Variants in COLEC12 observed in about 807,000 individuals in gnomAD.
COLEC12 encodes collectin subfamily member 12, also known as collectin-12.
COLEC12 carries 33 observed loss-of-function variants against 71.1 expected under a neutral mutation model. The ratio of observed to expected loss-of-function variants is 0.46; its 90% CI spans 0.35 to 0.62. COLEC12 has a LOEUF of 0.62. Ranked by LOEUF, COLEC12 falls within the 20% of genes least tolerant of loss-of-function variation. The pLI is 0.00. For synonymous variants in COLEC12, 350 were observed against 353.0 expected (o/e 0.99, Z 0.10); for missense variants, 765 against 916.1 (o/e 0.84, Z 2.13).
At chr18:347,957 G>C in intron 4 of COLEC12, 108 bp downstream of exon 4, 7 of 649,196 alleles carry the variant, frequency 1.1e-5, no homozygotes, top group Non-Finnish European at 1.9e-5. Context: ...CACAAAAATT[G>C]AATGTCCTTC....
At chr18:380,201 G>A (rs185276182) in intron 2 of COLEC12, among the ~76,000 whole-genome samples, 8 of 152,224 alleles carry the variant, frequency 5.3e-5, no homozygotes, top group Admixed American at 2.6e-4. Flanking sequence ...ACTCTTTACC[G>A]TCATCTTTCC....
rs1913595996 is a variant in COLEC12, at chr18:318,153, TGTA to T, written c.*1889_*1891del. 6.6e-6 allele frequency: 1 copy of T among 151,544 alleles called. No homozygotes were observed. The highest frequency in any genetic ancestry group is 2.4e-5 in the African/African-American group (1 of 41,266). 9.4% of individuals were successfully genotyped at this position (151,544 alleles called of 1,614,324 possible). On this transcript the variant is annotated 3_prime_UTR_variant, in exon 10 of 10. Coordinates refer to ENST00000400256, the MANE Select transcript of COLEC12 (RefSeq NM_130386.3). ...CACCGCGCCCGGCTAATTTTTTTTT[TGTA>T]TTTTTAGTAGAGACGGGGTTTCACC...
Position 348,141 on chromosome 18 carries a change from G to C in COLEC12, c.204C>G (p.Val68=), listed in dbSNP as rs1488049010. The C allele has an allele frequency of 1.9e-6, 3 of 1,613,330 alleles. No homozygotes were observed. The highest frequency in any genetic ancestry group is 1.3e-5 in the African/African-American group (1 of 75,016). ...GYKVVEKMDN[V]TGGMETSRQT... is the part of the protein sequence containing the mutation. ...GGCGAGATGTTTCCATGCCACCTGT[G>C]ACATTGTCCATTTTCTCTACAACTA... Residue 68 remains valine (V), a synonymous_variant, in exon 4 of 10, where the codon GTC becomes GTG. Transcript: ENST00000400256.
chr18:471,719 A>G (rs774783487), intron 2 of COLEC12, among the ~76,000 whole-genome samples: 19 of 151,594 alleles, frequency 1.3e-4, no homozygotes, highest in Non-Finnish European at 2.5e-4. Flanking sequence ...TTGAAATATA[A>G]TGATATTACA....
intron 8 of COLEC12, among the ~76,000 whole-genome samples, chr18:331,119 C>T (rs990589668): frequency 6.6e-6 from 1 of 152,146 alleles, no homozygotes; most frequent in African/African-American, 2.4e-5. Context: ...GAACTCCAGA[C>T]TTCAAGTGAT....
intron 2 of COLEC12, among the ~76,000 whole-genome samples, chr18:387,243 G>T (rs1323413430): frequency 6.6e-6 from 1 of 152,136 alleles, no homozygotes; most frequent in Non-Finnish European, 1.5e-5. Context: ...GATAAAGAAT[G>T]TTCTGCTTTT....
chr18:392,926 G>T (rs1436794404), intron 2 of COLEC12, among the ~76,000 whole-genome samples: 2 of 152,172 alleles, frequency 1.3e-5, no homozygotes, highest in Non-Finnish European at 2.9e-5. Flanking sequence ...TGTTCTTGAG[G>T]TCTTCACCAA....
At chr18:423,240 G>A (rs1185038469) in intron 2 of COLEC12, among the ~76,000 whole-genome samples, 2 of 152,154 alleles carry the variant, frequency 1.3e-5, no homozygotes, top group Non-Finnish European at 2.9e-5. Context: ...CTGCACTCCA[G>A]CCTGGACAAG....
At chr18:429,068 A>G (rs1280040331) in intron 2 of COLEC12, among the ~76,000 whole-genome samples, 1 of 152,234 alleles carries the variant, frequency 6.6e-6, no homozygotes, top group African/African-American at 2.4e-5. Context: ...TTCTTTAAAA[A>G]GCAGTAGGGA....
chr18:329,458 C>T (rs1913921269), intron 8 of COLEC12, among the ~76,000 whole-genome samples: 1 of 152,192 alleles, frequency 6.6e-6, no homozygotes, highest in Non-Finnish European at 1.5e-5. Context: ...AAAACAGTCT[C>T]TGTCTCCCAT....
Position 320,081 on chromosome 18 carries a change from A to G in COLEC12, c.2210-17T>C, listed in dbSNP as rs752913256. 1.4e-6 allele frequency: 2 copies of G among 1,474,768 alleles called. No homozygotes were observed. Among genetic ancestry groups the G allele is most frequent in the South Asian group, 2.4e-5 (2 of 82,736 alleles). 91.4% of individuals were successfully genotyped at this position (1,474,768 alleles called of 1,614,324 possible). On this transcript the variant is annotated splice_polypyrimidine_tract_variant and intron_variant, in intron 9 of 9. Coordinates refer to ENST00000400256, the MANE Select transcript of COLEC12 (RefSeq NM_130386.3). ...ATGACAGTACTAAAAGAGAGAAATAAGAATGGGCATTAGTTTTTCTTAAAT... is the reference window on the plus strand; with the variant it reads ...ATGACAGTACTAAAAGAGAGAAATAGGAATGGGCATTAGTTTTTCTTAAAT...
At chr18:350,365 T>G (rs1167519648) in intron 3 of COLEC12, among the ~76,000 whole-genome samples, 3 of 152,198 alleles carry the variant, frequency 2.0e-5, no homozygotes, top group Non-Finnish European at 2.9e-5. Flanking sequence ...CATGTGGAAC[T>G]GTAATTCCAG....
chr18:498,302 T>A (rs571376889), intron 1 of COLEC12, among the ~76,000 whole-genome samples: 1 of 151,948 alleles, frequency 6.6e-6, no homozygotes, highest in East Asian at 1.9e-4. Flanking sequence ...CAGACAAATG[T>A]AATAAATACA....
At chr18:356,132 G>A (rs879877769) in intron 3 of COLEC12, among the ~76,000 whole-genome samples, 4 of 152,188 alleles carry the variant, frequency 2.6e-5, no homozygotes, top group Admixed American at 1.3e-4. Flanking sequence ...CTAGTGCTGT[G>A]TAATGTGGCT....
intron 3 of COLEC12, among the ~76,000 whole-genome samples, chr18:351,373 A>G (rs1003917165): frequency 1.3e-5 from 2 of 151,648 alleles, no homozygotes; most frequent in African/African-American, 4.9e-5. Context: ...CCCTTTGCCG[A>G]GGTGCACCTT....
At chr18:496,753 T>C (rs1462628272) in intron 1 of COLEC12, among the ~76,000 whole-genome samples, 1 of 152,228 alleles carries the variant, frequency 6.6e-6, no homozygotes, top group East Asian at 1.9e-4. Context: ...ACCAGCCTCC[T>C]CTCTGTGTTA....
Position 335,208 on chromosome 18 carries a change from T to A in COLEC12, c.1350A>T (p.Pro450=). 1 of 1,604,586 alleles carries A rather than the reference T, an allele frequency of 6.2e-7. No individual in the cohort carries two copies. Among genetic ancestry groups the A allele is most frequent in the Non-Finnish European group, 8.5e-7 (1 of 1,177,152 alleles). The change falls in exon 6 of 10, where the codon CCA becomes CCT. Residue 450 remains proline, a synonymous_variant. Transcript: ENST00000400256. ...ILQGPPGPRG[P]RGDRGSQGPP... ...GTCCCTGGGATCCTCTGTCACCTCT[T>A]GGACCCCTGGGGCCCGGTGGACCTA...
intron 3 of COLEC12, among the ~76,000 whole-genome samples, chr18:349,902 T>C (rs778064172): frequency 3.3e-5 from 5 of 152,260 alleles, no homozygotes; most frequent in Admixed American, 1.3e-4. Context: ...ACCCTCATTG[T>C]ATCTAGGAAG....
chr18:416,546 G>A (rs1915989528), intron 2 of COLEC12, among the ~76,000 whole-genome samples: 1 of 152,116 alleles, frequency 6.6e-6, no homozygotes, highest in African/African-American at 2.4e-5. Context: ...AATGGCTTCT[G>A]TGCCTCCTCT....
Sources: allele counts gnomAD v4.1 joint callset (sites outside exome capture counted in the v4.1 genomes callset), GRCh38; gene constraint gnomAD v4.1.1; transcripts MANE v1.5; gene names NCBI Gene and HGNC (gene_info 2026-07-23, HGNC 2026-07-21).